Variants in ZFHX3 observed in about 807,000 individuals in gnomAD.
ZFHX3 encodes the protein zinc finger homeobox 3.
ZFHX3 carries 42 observed loss-of-function variants against 279.1 expected under a neutral mutation model. That is an observed-to-expected ratio of 0.15 (90% CI 0.12 to 0.19). ZFHX3 has a LOEUF of 0.19. Among genes scored for constraint, ZFHX3 ranks in the 10% least tolerant of loss-of-function variants. The probability of loss-of-function intolerance (pLI) is 1.00; values close to 1 mark genes in which losing one functional copy is unlikely to be tolerated. For missense variants in ZFHX3, 4,981 were observed against 4,754.0 expected (o/e 1.05, Z -1.40); for synonymous variants, 2,293 against 1,957.8 (o/e 1.17, Z -4.52).
At chr16:72,859,931 G>T (rs938752891) in intron 4 of ZFHX3, among the ~76,000 whole-genome samples, 13 of 152,176 alleles carry the variant, frequency 8.5e-5, no homozygotes, top group African/African-American at 2.9e-4. Flanking sequence ...CTAGTTTACA[G>T]AAATGGAAGA....
At chr16:73,656,580 A>G (rs1035583743) in intron 2 of ZFHX3, among the ~76,000 whole-genome samples, 1 of 152,186 alleles carries the variant, frequency 6.6e-6, no homozygotes, top group Non-Finnish European at 1.5e-5. Flanking sequence ...TAGGAACTTT[A>G]TCCAATAACC....
At chr16:73,071,456 T>TCTGCTG (rs749188404) in intron 8 of ZFHX3, among the ~76,000 whole-genome samples, 14 of 150,708 alleles carry the variant, frequency 9.3e-5, no homozygotes, top group East Asian at 7.8e-4. Context: ...TGGTCTTTTC[T>TCTGCTG]CTGCTGCTGC....
chr16:73,003,530 C>G (rs1244605383), intron 1 of ZFHX3, among the ~76,000 whole-genome samples: 1 of 138,910 alleles, frequency 7.2e-6, no homozygotes, highest in East Asian at 2.3e-4. Context: ...CTCCCCACCC[C>G]GCCCCATCTC....
intron 3 of ZFHX3, chr16:73,389,381 C>A (rs992266947): frequency 6.6e-6 from 1 of 152,206 alleles, no homozygotes; most frequent in African/African-American, 2.4e-5. Context: ...GTTTGCTGCC[C>A]TCTAGTCTAA....
intron 4 of ZFHX3, among the ~76,000 whole-genome samples, chr16:73,287,454 G>A (rs1030850784): frequency 6.9e-6 from 1 of 145,830 alleles, no homozygotes; most frequent in Non-Finnish European, 1.5e-5. Context: ...GGTGGTGGGT[G>A]TGTGGCTGTG....
intron 4 of ZFHX3, among the ~76,000 whole-genome samples, chr16:72,875,043 T>C (rs1215926486): frequency 6.6e-6 from 1 of 152,214 alleles, no homozygotes; most frequent in Non-Finnish European, 1.5e-5. Context: ...AACCTGTTGA[T>C]GCTGTGCTCC....
chr16:73,280,622 G>C (rs760134396), intron 4 of ZFHX3, among the ~76,000 whole-genome samples: 1 of 152,082 alleles, frequency 6.6e-6, no homozygotes, highest in Non-Finnish European at 1.5e-5. Context: ...TGATGATGTG[G>C]AAAGAAGGAA....
chr16:73,766,954 G>A (rs1158182343), intron 1 of ZFHX3, among the ~76,000 whole-genome samples: 4 of 128,242 alleles, frequency 3.1e-5, no homozygotes, highest in Non-Finnish European at 4.8e-5. Flanking sequence ...TTTTTTTTCC[G>A]AGATGGAGTC....
intron 1 of ZFHX3, among the ~76,000 whole-genome samples, chr16:72,986,322 G>C (rs1382785112): frequency 6.6e-6 from 1 of 152,166 alleles, no homozygotes; most frequent in Non-Finnish European, 1.5e-5. Context: ...ATCGATGGAG[G>C]GGGGCTGCTC....
chr16:73,201,659 A>G (rs1968270189), intron 5 of ZFHX3, among the ~76,000 whole-genome samples: 1 of 152,236 alleles, frequency 6.6e-6, no homozygotes, highest in Non-Finnish European at 1.5e-5. Flanking sequence ...CTGCTTTGGT[A>G]TGAGAAACGC....
At chr16:72,802,413 C>T (rs926848459) in intron 7 of ZFHX3, among the ~76,000 whole-genome samples, 3 of 152,174 alleles carry the variant, frequency 2.0e-5, no homozygotes, top group Non-Finnish European at 2.9e-5. Flanking sequence ...TAACTCTCCC[C>T]GAAATATAAT....
At chr16:72,938,390 C>G (rs1455741043) in intron 3 of ZFHX3, among the ~76,000 whole-genome samples, 5 of 152,270 alleles carry the variant, frequency 3.3e-5, no homozygotes, top group Non-Finnish European at 5.9e-5. Flanking sequence ...CTCAGCGGAG[C>G]TGGGCTTTGT....
intron 2 of ZFHX3, among the ~76,000 whole-genome samples, chr16:73,639,726 C>G (rs1018998950): frequency 2.6e-5 from 4 of 151,828 alleles, no homozygotes; most frequent in African/African-American, 9.7e-5. Context: ...TTCTTCTTCT[C>G]CCAATCCCAC....
intron 5 of ZFHX3, among the ~76,000 whole-genome samples, chr16:73,247,714 T>C (rs576249764): frequency 6.6e-6 from 1 of 151,878 alleles, no homozygotes; most frequent in East Asian, 1.9e-4. Context: ...ACTATGTATA[T>C]AATGTGTCTG....
intron 1 of ZFHX3, among the ~76,000 whole-genome samples, chr16:73,731,085 G>A (rs188002302): frequency 1.2e-4 from 18 of 152,278 alleles, no homozygotes; most frequent in South Asian, 4.1e-4. Context: ...TTAAACTTGC[G>A]ATTGTCATTC....
chr16:73,452,213 C>T (rs2018290960), intron 3 of ZFHX3, among the ~76,000 whole-genome samples: 1 of 152,132 alleles, frequency 6.6e-6, no homozygotes, highest in African/African-American at 2.4e-5. Flanking sequence ...TTATAATTAA[C>T]ATTTTATGGT....
chr16:72,981,077 A>C (rs1962578705), intron 1 of ZFHX3, among the ~76,000 whole-genome samples: 1 of 152,134 alleles, frequency 6.6e-6, no homozygotes, highest in Non-Finnish European at 1.5e-5. Context: ...CTTTTTTCAA[A>C]GAAATGTGGG....
intron 3 of ZFHX3, among the ~76,000 whole-genome samples, chr16:73,384,681 C>T (rs2016869321): frequency 6.6e-6 from 1 of 152,212 alleles, no homozygotes; most frequent in Admixed American, 6.5e-5. Flanking sequence ...GCAGCATACA[C>T]AGCATACACC....
intron 1 of ZFHX3, among the ~76,000 whole-genome samples, chr16:73,788,042 C>T (rs1959706844): frequency 6.6e-6 from 1 of 152,060 alleles, no homozygotes; most frequent in African/African-American, 2.4e-5. Flanking sequence ...AACAGTGGAG[C>T]ACTCTGGGAG....
Sources: gnomAD v4.1 joint callset for allele counts (sites outside exome capture counted in the v4.1 genomes callset) on GRCh38, gnomAD v4.1.1 for gene constraint, MANE v1.5 for transcripts, NCBI Gene and HGNC (gene_info 2026-07-23, HGNC 2026-07-21) for gene names.